TRPC1: variants seen among roughly 807,000 people sequenced by gnomAD.
TRPC1 encodes short transient receptor potential channel 1.
Under a neutral mutation model 88.2 loss-of-function variants are expected in TRPC1, and 42 were observed. That is an observed-to-expected ratio of 0.48 (90% confidence interval 0.37 to 0.62). The LOEUF is 0.62. Ranked by LOEUF, TRPC1 falls within the 20% of genes least tolerant of loss-of-function variation. The pLI is 0.00. For missense variants in TRPC1, 699 were observed against 957.3 expected (o/e 0.73, Z 3.56); for synonymous variants, 288 against 331.8 (o/e 0.87, Z 1.43).
At chr3:142,725,752 C>G (rs1269539161) in intron 1 of TRPC1, among the ~76,000 whole-genome samples, 1 of 150,018 alleles carries the variant, frequency 6.7e-6, no homozygotes, top group Non-Finnish European at 1.5e-5. Flanking sequence ...TATGAAAAGA[C>G]TAACTACACA....
chr3:142,732,827 G>A (rs1577941284), intron 1 of TRPC1, among the ~76,000 whole-genome samples: 1 of 152,042 alleles, frequency 6.6e-6, no homozygotes, highest in Admixed American at 6.5e-5. Flanking sequence ...AAAATGAATG[G>A]CATTTATATA....
Position 142,806,402 on chromosome 3 carries a change from T to C in TRPC1, c.*167T>C, listed in dbSNP as rs1033563610. On this transcript the variant is annotated 3_prime_UTR_variant, in exon 13 of 13. Coordinates refer to ENST00000476941, the MANE Select transcript of TRPC1 (RefSeq NM_001251845.2). ...ATATATGTTATGTAAAGTGTGTATA[T>C]AGAATTAGTTTTTTAAACCTTCTGT... The C allele has an allele frequency of 2.1e-5, 12 of 576,146 alleles. No homozygotes were observed. The highest frequency in any genetic ancestry group is 1.2e-4 in the African/African-American group (6 of 51,922). 35.7% of individuals were successfully genotyped at this position (576,146 alleles called of 1,614,324 possible). A position where few individuals can be genotyped will look rare whatever the true frequency, so the allele number is the denominator to read the frequency against.
chr3:142,802,532 T>C (rs1160620550), intron 10 of TRPC1, among the ~76,000 whole-genome samples, 188 bp downstream of exon 10: 1 of 152,194 alleles, frequency 6.6e-6, no homozygotes, highest in Non-Finnish European at 1.5e-5. Flanking sequence ...GCATCTTAAA[T>C]AGTGGGTCCA....
At chr3:142,757,535 A>G (rs952173906) in intron 4 of TRPC1, among the ~76,000 whole-genome samples, 1 of 152,072 alleles carries the variant, frequency 6.6e-6, no homozygotes, top group Non-Finnish European at 1.5e-5. Flanking sequence ...ATTCTCAGCA[A>G]ACTAACACAG....
chr3:142,787,803 G>A (rs1169566838), intron 7 of TRPC1, among the ~76,000 whole-genome samples: 1 of 152,196 alleles, frequency 6.6e-6, no homozygotes. Flanking sequence ...TATTATAGGG[G>A]CATTTGCCCT....
chr3:142,773,256 A>G lies in TRPC1; in HGVS notation c.633-4376A>G, dbSNP rs561218582. Among the ~76,000 whole-genome samples, 15 of 152,028 alleles carry G rather than the reference A, an allele frequency of 9.9e-5. No individual in the cohort carries two copies. In the East Asian group the frequency reaches 2.9e-3, roughly 30 times the overall value. On this transcript the variant is annotated intron_variant, in intron 4 of 12. Transcript: ENST00000476941. ...GAGATGGAGTCTCGCTGTGTTGCCC[A>G]TGCTGGAGTGCAGTAGCGCAATCTC...
At chr3:142,788,501 A>C (rs1381699200) in intron 7 of TRPC1, among the ~76,000 whole-genome samples, 1 of 152,056 alleles carries the variant, frequency 6.6e-6, no homozygotes, top group African/African-American at 2.4e-5. Flanking sequence ...AGTTTCGGAT[A>C]TGTTGAGTTT....
intron 1 of TRPC1, among the ~76,000 whole-genome samples, chr3:142,731,374 A>ATTTTTTT (rs59613066): frequency 1.1e-4 from 9 of 79,524 alleles, no homozygotes; most frequent in African/African-American, 1.5e-4. Context: ...ATATGTTTTG[A>ATTTTTTT]TTTTTTTTTT....
At chr3:142,780,792 A>G in intron 5 of TRPC1, 42 bp from the exon 6 acceptor site, 1 of 1,529,642 alleles carries the variant, frequency 6.5e-7, no homozygotes, top group East Asian at 2.3e-5. Flanking sequence ...TAATTAGAAG[A>G]TGGAAACGAC....
At chr3:142,773,204 A>T (rs1935634627) in intron 4 of TRPC1, among the ~76,000 whole-genome samples, 1 of 152,130 alleles carries the variant, frequency 6.6e-6, no homozygotes, top group South Asian at 2.1e-4. Flanking sequence ...TTTTAATTCC[A>T]TAATTTCCAT....
chr3:142,769,852 C>A (rs1384873662), intron 4 of TRPC1, among the ~76,000 whole-genome samples: 1 of 151,942 alleles, frequency 6.6e-6, no homozygotes, highest in Non-Finnish European at 1.5e-5. Context: ...TATAATCTGC[C>A]TTTGTTTGAT....
rs558759160 is a variant in TRPC1, at chr3:142,805,923, T to A, written c.2155-85T>A. ...GTCTAATAAAGCATTTAAAGATGTG[T>A]TTGTGTCTGTGAATATATTTTTGAA... On this transcript the variant is annotated intron_variant, in intron 12 of 12. Transcript: ENST00000476941. 6.5e-5 allele frequency: 78 copies of A among 1,192,050 alleles called. 1 individual carries two copies. The South Asian group carries it at 1.2e-3, about 18-fold the overall frequency. 73.8% of individuals were successfully genotyped at this position (1,192,050 alleles called of 1,614,324 possible). A position where few individuals can be genotyped will look rare whatever the true frequency, so the allele number is the denominator to read the frequency against.
In TRPC1 at chr3:142,806,167, C is replaced by G; in HGVS notation, c.2314C>G (p.Arg772Gly). Reference sequence around the variant, plus strand: ...ACTGCGCCAAGATCTGTCAAAATTCCGAAATGAAATAAGGGATTTACTTGG... The same window carrying G: ...ACTGCGCCAAGATCTGTCAAAATTCGGAAATGAAATAAGGGATTTACTTGG... Reference protein sequence around the residue: ...NELRQDLSKFRNEIRDLLGFR... With the variant: ...NELRQDLSKFGNEIRDLLGFR... Residue 772 changes from arginine to glycine, a missense_variant, in exon 13 of 13, where the codon CGA (arginine) becomes GGA (glycine). Arg to Gly is a moderately radical substitution (Grantham distance 125). Transcript: ENST00000476941. 6.2e-7 allele frequency: 1 copy of G among 1,613,540 alleles called. No homozygotes were observed. The highest frequency in any genetic ancestry group is 1.1e-5 in the South Asian group (1 of 91,058).
chr3:142,771,274 T>C (rs926652152), intron 4 of TRPC1, among the ~76,000 whole-genome samples: 1 of 152,202 alleles, frequency 6.6e-6, no homozygotes, highest in African/African-American at 2.4e-5. Context: ...TTTTGAGTTC[T>C]TTTTTTGACT....
intron 4 of TRPC1, among the ~76,000 whole-genome samples, chr3:142,769,804 TA>T (rs1332051818): frequency 5.9e-5 from 9 of 152,150 alleles, no homozygotes; most frequent in Non-Finnish European, 2.9e-5. Context: ...GCATATGGTC[TA>T]ATCTGGAGAA....
At chr3:142,737,718 G>C (rs759802768) in intron 2 of TRPC1, among the ~76,000 whole-genome samples, 14 of 152,144 alleles carry the variant, frequency 9.2e-5, no homozygotes, top group Non-Finnish European at 1.9e-4. Flanking sequence ...CATTACACAT[G>C]TGATCTCTGA....
At chr3:142,777,179 C>G (rs1479326489) in intron 4 of TRPC1, among the ~76,000 whole-genome samples, 1 of 152,036 alleles carries the variant, frequency 6.6e-6, no homozygotes, top group Non-Finnish European at 1.5e-5. Context: ...GGTGTAGTGG[C>G]ATGCACCTGT....
intron 6 of TRPC1, among the ~76,000 whole-genome samples, chr3:142,782,171 G>A (rs1037494517): frequency 7.2e-5 from 11 of 151,802 alleles, no homozygotes; most frequent in African/African-American, 2.2e-4. Context: ...ATCCTGTTTA[G>A]GAAAAAAAAT....
intron 6 of TRPC1, among the ~76,000 whole-genome samples, chr3:142,782,940 C>T (rs1294173413): frequency 6.6e-6 from 1 of 152,146 alleles, no homozygotes; most frequent in Non-Finnish European, 1.5e-5. Context: ...TTCCAGTGAG[C>T]AAGGTGGAAG....
Sources: allele counts gnomAD v4.1 joint callset (sites outside exome capture counted in the v4.1 genomes callset), GRCh38; gene constraint gnomAD v4.1.1; transcripts MANE v1.5; gene names NCBI Gene and HGNC (gene_info 2026-07-23, HGNC 2026-07-21).